KCNS3: variants seen among roughly 807,000 people sequenced by gnomAD.
KCNS3 encodes potassium voltage-gated channel modifier subfamily S member 3, also known as delayed-rectifier potassium channel regulatory subunit KCNS3.
A neutral mutation model predicts 31.0 loss-of-function variants in KCNS3; 13 were observed. That is an observed-to-expected ratio of 0.42 (90% confidence interval 0.27 to 0.67). The LOEUF (loss-of-function observed/expected upper bound fraction) is 0.67, where lower values mean the gene tolerates loss of function less well. Ranked by LOEUF, KCNS3 falls within the 30% of genes least tolerant of loss-of-function variation. The pLI, the probability that KCNS3 is intolerant of heterozygous loss-of-function variation, is 0.25. For synonymous variants in KCNS3, 238 were observed against 241.5 expected (o/e 0.99, Z 0.13); for missense variants, 545 against 622.4 (o/e 0.88, Z 1.32).
In KCNS3 at chr2:17,932,750, G is replaced by T; in HGVS notation, c.*266G>T. The T allele has an allele frequency of 2.9e-6, 1 of 348,170 alleles. No individual in the cohort carries two copies. Among genetic ancestry groups the T allele is most frequent in the Non-Finnish European group, 5.4e-6 (1 of 184,254 alleles). 21.6% of individuals were successfully genotyped at this position (348,170 alleles called of 1,614,324 possible). On this transcript the variant is annotated 3_prime_UTR_variant, in exon 3 of 3. Coordinates refer to ENST00000304101, the MANE Select transcript of KCNS3 (RefSeq NM_002252.5). ...ATATAAGATAAATGGTATTGGGTGG[G>T]GTTTGTGGCTACAGCTTATGCATCA...
chr2:17,910,106 T>C (rs1662436250), intron 1 of KCNS3, among the ~76,000 whole-genome samples: 1 of 152,258 alleles, frequency 6.6e-6, no homozygotes. Context: ...AATCCAGTTA[T>C]GTTGAAATGC....
chr2:17,920,663 A>G (rs1662686540), intron 2 of KCNS3, among the ~76,000 whole-genome samples: 1 of 152,200 alleles, frequency 6.6e-6, no homozygotes, highest in African/African-American at 2.4e-5. Flanking sequence ...ATGTGGGTTG[A>G]TAGTAGGGAG....
intron 2 of KCNS3, among the ~76,000 whole-genome samples, chr2:17,929,967 G>A (rs1225759155): frequency 6.6e-6 from 1 of 152,350 alleles, no homozygotes; most frequent in East Asian, 1.9e-4. Context: ...CTCAGTATAT[G>A]ACAGTCTCCT....
chr2:17,892,721 C>T (rs1310888149), intron 1 of KCNS3, among the ~76,000 whole-genome samples: 2 of 152,108 alleles, frequency 1.3e-5, no homozygotes, highest in African/African-American at 4.8e-5. Flanking sequence ...GTCTAGCCAC[C>T]CAGCGAGTCT....
At chr2:17,881,613 A>G (rs530187460) in intron 1 of KCNS3, among the ~76,000 whole-genome samples, 3 of 152,334 alleles carry the variant, frequency 2.0e-5, no homozygotes, top group South Asian at 2.1e-4. Flanking sequence ...GGAAAGAGAG[A>G]CAAACTGAGT....
chr2:17,929,561 C>A (rs1662910642), intron 2 of KCNS3, among the ~76,000 whole-genome samples: 1 of 152,226 alleles, frequency 6.6e-6, no homozygotes, highest in South Asian at 2.1e-4. Context: ...CACAATTCAA[C>A]ATGAGATTTA....
chr2:17,890,463 C>T (rs12618368), intron 1 of KCNS3, among the ~76,000 whole-genome samples: 44,357 of 150,760 alleles, frequency 0.29, 6,689 homozygotes, highest in East Asian at 0.39. Flanking sequence ...CCTTCTTCTG[C>T]GGGGGTTGGG....
chr2:17,930,866 A>G (rs926529246), intron 2 of KCNS3, 84 bp from the exon 3 acceptor site: 3 of 804,288 alleles, frequency 3.7e-6, no homozygotes, highest in Non-Finnish European at 3.9e-6. Flanking sequence ...AATGTAGCCC[A>G]TCCTCCTGGA....
intron 1 of KCNS3, among the ~76,000 whole-genome samples, chr2:17,887,058 C>T (rs1047263195): frequency 6.6e-6 from 1 of 152,108 alleles, no homozygotes; most frequent in African/African-American, 2.4e-5. Context: ...CTTAAAGCAG[C>T]ACACGTTGCT....
rs1275996240 is a variant in KCNS3 at position 17,884,265 on chromosome 2, AAAAATAT to A, written c.-252+5461_-252+5467del. ...GAACTTAAAGTATAATTAAAAAAAA[AAAAATAT>A]ATATATATATATATATATATATATA... On this transcript the variant is annotated intron_variant, in intron 1 of 2. Transcript: ENST00000304101. Among the ~76,000 whole-genome samples, 64 of 44,364 alleles carry A rather than the reference AAAAATAT, an allele frequency of 1.4e-3. 2 individuals are homozygous for A. The highest frequency in any genetic ancestry group is 8.3e-4 in the Non-Finnish European group (18 of 21,632). 29.1% of individuals were successfully genotyped at this position (44,364 alleles called of 152,430 possible). A position where few individuals can be genotyped will look rare whatever the true frequency, so the allele number is the denominator to read the frequency against.
rs769974575 is a variant in KCNS3 at position 17,931,433 on chromosome 2, C to T, written c.425C>T (p.Thr142Ile). 7.4e-6 allele frequency: 12 copies of T among 1,614,010 alleles called. No homozygotes were observed. The Admixed American group carries it at 1.7e-4, about 22-fold the overall frequency. ...DWDQKSHDVS[T>I]DSSFEESSLF... Reference sequence around the variant, plus strand: ...GACCAGAAAAGCCATGATGTGAGTACCGACTCCTCGTTTGAAGAGTCGTCT... The same window carrying T: ...GACCAGAAAAGCCATGATGTGAGTATCGACTCCTCGTTTGAAGAGTCGTCT... Residue 142 changes from threonine to isoleucine, a missense_variant, in exon 3 of 3, where the codon ACC becomes ATC. Thr to Ile is a moderately conservative substitution (Grantham distance 89). Transcript: ENST00000304101. The surrounding 1 kb of genome is among the most constrained non-coding windows in gnomAD (Gnocchi z 5.4).
Position 17,931,327 on chromosome 2 carries a change from G to A in KCNS3, c.319G>A (p.Gly107Ser). Residue 107 changes from glycine to serine, a missense_variant, in exon 3 of 3, where the codon GGC becomes AGC. Transcript: ENST00000304101. The surrounding 1 kb of genome is among the most constrained non-coding windows in gnomAD (Gnocchi z 5.4). ...FSFCQEIEYW[G>S]INELFIDSCC... ...ATTCTGCCAGGAGATCGAGTACTGG[G>A]GCATCAACGAGCTCTTCATTGATTC... 1 of 1,614,130 alleles carries A rather than the reference G, an allele frequency of 6.2e-7. No homozygotes were observed. Among genetic ancestry groups the A allele is most frequent in the Non-Finnish European group, 8.5e-7 (1 of 1,180,042 alleles).
Position 17,878,710 on chromosome 2 carries a change from C to T in KCNS3, c.-348C>T, listed in dbSNP as rs1674567362. 1 of 150,074 alleles carries T rather than the reference C, an allele frequency of 6.7e-6. No individual in the cohort carries two copies. The highest frequency in any genetic ancestry group is 2.4e-5 in the African/African-American group (1 of 41,008). The allele number at this position is 150,074 out of a possible 1,614,324, so 9.3% of individuals were successfully genotyped here. On this transcript the variant is annotated 5_prime_UTR_variant, in exon 1 of 3. Transcript: ENST00000304101. ...CACCCCGCTCTCCTCGCCGCCGCGG[C>T]GGCAGGCGCGGGGCCGCGCCGCGAG...
At chr2:17,917,975 T>G (rs868448179) in intron 2 of KCNS3, 104 bp downstream of exon 2, 12 of 152,654 alleles carry the variant, frequency 7.9e-5, no homozygotes, top group African/African-American at 2.9e-4. Context: ...AGTTAGACAC[T>G]TCTGATGGTC....
chr2:17,930,378 G>T (rs1193881846), intron 2 of KCNS3, among the ~76,000 whole-genome samples: 1 of 152,182 alleles, frequency 6.6e-6, no homozygotes, highest in Non-Finnish European at 1.5e-5. Context: ...CCAAACACAG[G>T]GAGTAGGGCT....
At chr2:17,882,524 C>T (rs148853285) in intron 1 of KCNS3, among the ~76,000 whole-genome samples, 419 of 152,254 alleles carry the variant, frequency 2.8e-3, no homozygotes, top group Non-Finnish European at 4.8e-3. Context: ...AGTGAGCTAT[C>T]GAGAGTCCTT....
intron 1 of KCNS3, among the ~76,000 whole-genome samples, chr2:17,904,700 C>A (rs1365912210): frequency 6.6e-6 from 1 of 152,184 alleles, no homozygotes; most frequent in Non-Finnish European, 1.5e-5. Flanking sequence ...TTCCCAGCAC[C>A]ATTTATTAAA....
intron 1 of KCNS3, among the ~76,000 whole-genome samples, chr2:17,908,790 CAA>C (rs1662399465): frequency 1.3e-5 from 2 of 152,214 alleles, no homozygotes; most frequent in Admixed American, 1.3e-4. Context: ...TGCTGAACAG[CAA>C]ATGTTGCTGC....
Position 17,931,539 on chromosome 2 carries a change from T to A in KCNS3, c.531T>A (p.Asn177Lys). 6.2e-7 allele frequency: 1 copy of A among 1,614,162 alleles called. No homozygotes were observed. The highest frequency in any genetic ancestry group is 8.5e-7 in the Non-Finnish European group (1 of 1,180,024). The change falls in exon 3 of 3, where the codon AAT becomes AAA. Residue 177 changes from asparagine (N) to lysine (K), a missense_variant. By Grantham distance (94) the Asn-to-Lys change is moderately conservative (BLOSUM62 0). Coordinates refer to ENST00000304101, the MANE Select transcript of KCNS3 (RefSeq NM_002252.5). This position sits in a 1 kb window ranked among gnomAD's most constrained non-coding sequence, Gnocchi z 5.4. ...AGAAAATCTGGATTAGAATGGAGAA[T>A]CCAGCGTACTGCCTGTCCGCTAAGC... ...LRKKIWIRME[N>K]PAYCLSAKLI... is the part of the protein sequence containing the mutation.
Sources: allele counts gnomAD v4.1 joint callset (sites outside exome capture counted in the v4.1 genomes callset), GRCh38; gene constraint gnomAD v4.1.1; non-coding constraint Gnocchi (gnomAD v3.1); transcripts MANE v1.5; gene names NCBI Gene and HGNC (gene_info 2026-07-23, HGNC 2026-07-21).